The following TET2 variants were observed in gnomAD, a reference collection of about 807,000 sequenced individuals.
TET2 encodes tet methylcytosine dioxygenase 2.
Under a neutral mutation model 142.9 loss-of-function variants are expected in TET2, and 299 were observed. That is an observed-to-expected ratio of 2.09 (90% CI 1.90 to 2.30). The LOEUF (loss-of-function observed/expected upper bound fraction) is 2.30, where lower values mean the gene tolerates loss of function less well. Among genes scored for constraint, TET2 ranks in the 30% most tolerant of loss-of-function variants. The pLI is 0.00. For synonymous variants in TET2, 819 were observed against 849.0 expected, an observed-to-expected ratio of 0.96 and a Z score of 0.61; for missense variants, 2,418 against 2,378.0, an observed-to-expected ratio of 1.02 and a Z score of -0.35.
intron 2 of TET2, among the ~76,000 whole-genome samples, chr4:105,194,953 A>G (rs927882264): frequency 6.6e-6 from 1 of 152,180 alleles, no homozygotes; most frequent in African/African-American, 2.4e-5. Flanking sequence ...TGGTATCAGT[A>G]GTCTCTGTGT....
Position 105,276,100 on chromosome 4 carries a change from G to A in TET2, c.5590G>A (p.Val1864Met), listed in dbSNP as rs746348206. 12 of 1,551,516 alleles carry A rather than the reference G, an allele frequency of 7.7e-6. No individual in the cohort carries two copies. The highest frequency in any genetic ancestry group is 4.8e-5 in the South Asian group (4 of 84,066). ...GGATCCTGACATTGGGGGAGTGGCC[G>A]TGGCTCCAACTCATGGGTCAATTCT... ...FLDPDIGGVA[V>M]APTHGSILIE... Residue 1864 changes from valine to methionine, a missense_variant, in exon 11 of 11, where the codon GTG becomes ATG. Val to Met is a conservative substitution (Grantham distance 21). Transcript: ENST00000380013.
intron 6 of TET2, among the ~76,000 whole-genome samples, chr4:105,245,837 T>G (rs548761287): frequency 6.6e-6 from 1 of 152,372 alleles, no homozygotes; most frequent in South Asian, 2.1e-4. Flanking sequence ...TTTGAGATTC[T>G]AAATCACTGA....
intron 1 of TET2, among the ~76,000 whole-genome samples, chr4:105,164,457 C>T (rs573060360): frequency 6.6e-6 from 1 of 152,252 alleles, no homozygotes; most frequent in African/African-American, 2.4e-5. Context: ...AATAAAACAT[C>T]CAGCATGTTA....
intron 1 of TET2, among the ~76,000 whole-genome samples, chr4:105,180,055 T>C (rs536441989): frequency 6.6e-6 from 1 of 152,344 alleles, no homozygotes; most frequent in African/African-American, 2.4e-5. Flanking sequence ...AGTTATGCCT[T>C]TCTGGTCAGC....
chr4:105,263,440 A>C (rs2726459), intron 8 of TET2, among the ~76,000 whole-genome samples: 64,517 of 152,128 alleles, frequency 0.42, 14,450 homozygotes, highest in Non-Finnish European at 0.52. Context: ...TATGTACACT[A>C]ACTAAGGTGG....
chr4:105,183,288 CAAT>C (rs759641273), intron 1 of TET2, among the ~76,000 whole-genome samples: 1 of 151,904 alleles, frequency 6.6e-6, no homozygotes, highest in South Asian at 2.1e-4. Flanking sequence ...GCTTTGGAAT[CAAT>C]AATAAGTATT....
At chr4:105,240,482 C>T (rs1729232584) in intron 3 of TET2, 1 of 1,077,080 alleles carries the variant, frequency 9.3e-7, no homozygotes. Context: ...TTTGAAAAGA[C>T]AAATGTTAAA....
chr4:105,230,182 C>A (rs1728427115), intron 2 of TET2, among the ~76,000 whole-genome samples: 1 of 152,160 alleles, frequency 6.6e-6, no homozygotes, highest in African/African-American at 2.4e-5. Context: ...ACTGGGATTA[C>A]AGGTGCCTAC....
At chr4:105,209,874 C>A (rs1200726830) in intron 2 of TET2, among the ~76,000 whole-genome samples, 2 of 152,100 alleles carry the variant, frequency 1.3e-5, no homozygotes, top group African/African-American at 4.8e-5. Context: ...ACAAGAAGTT[C>A]ATTCAATAGG....
chr4:105,249,544 A>G (rs1202421269), intron 6 of TET2, among the ~76,000 whole-genome samples: 1 of 152,182 alleles, frequency 6.6e-6, no homozygotes, highest in Non-Finnish European at 1.5e-5. Context: ...AAGTAGCTTT[A>G]TGCTTTTACA....
At chr4:105,232,565 C>G (rs181376094) in intron 2 of TET2, among the ~76,000 whole-genome samples, 9 of 152,256 alleles carry the variant, frequency 5.9e-5, no homozygotes, top group Admixed American at 5.2e-4. Flanking sequence ...AAGATGATAT[C>G]TGAGGCAGGT....
At chr4:105,199,322 T>A (rs1235760667) in intron 2 of TET2, among the ~76,000 whole-genome samples, 1 of 152,220 alleles carries the variant, frequency 6.6e-6, no homozygotes, top group African/African-American at 2.4e-5. Flanking sequence ...GCGTACGATT[T>A]AATCACATTG....
intron 1 of TET2, among the ~76,000 whole-genome samples, chr4:105,183,437 C>T (rs1014654454): frequency 1.3e-5 from 2 of 151,962 alleles, no homozygotes; most frequent in African/African-American, 4.8e-5. Flanking sequence ...TTCAATAACT[C>T]TTTTTCCTAT....
At chr4:105,247,923 T>C (rs1729665932) in intron 6 of TET2, among the ~76,000 whole-genome samples, 1 of 152,084 alleles carries the variant, frequency 6.6e-6, no homozygotes, top group Admixed American at 6.5e-5. Flanking sequence ...GGTTTCGCCA[T>C]GTTGGCCAGG....
chr4:105,230,396 A>G (rs1175295263), intron 2 of TET2, among the ~76,000 whole-genome samples: 1 of 152,172 alleles, frequency 6.6e-6, no homozygotes, highest in East Asian at 1.9e-4. Context: ...AATTTTATAC[A>G]TATTGCCAAA....
At chr4:105,186,949 G>A (rs1245564281) in intron 1 of TET2, among the ~76,000 whole-genome samples, 2 of 152,112 alleles carry the variant, frequency 1.3e-5, no homozygotes, top group Non-Finnish European at 2.9e-5. Flanking sequence ...TATTTGTTGG[G>A]GATCACCTCT....
rs1730957254 is a variant in TET2 at position 105,271,372 on chromosome 4, C to T, written c.4183-1192C>T. Among the ~76,000 whole-genome samples, 4 of 152,124 alleles carry T rather than the reference C, an allele frequency of 2.6e-5. No homozygotes were observed. In the South Asian group the frequency reaches 8.3e-4, roughly 32 times the overall value. On this transcript the variant is annotated intron_variant, in intron 9 of 10. Coordinates refer to ENST00000380013, the MANE Select transcript of TET2 (RefSeq NM_001127208.3). ...GTAAATGATAACTGGGGCTATAGTGCATCCTAATATAACCATGTTTCATTC... is the reference window on the plus strand; with the variant it reads ...GTAAATGATAACTGGGGCTATAGTGTATCCTAATATAACCATGTTTCATTC...
At position 105,242,828 on chromosome 4, in the gene TET2, T is replaced by A; in HGVS notation, c.3501-6T>A. 6.5e-7 allele frequency: 1 copy of A among 1,548,602 alleles called. No individual in the cohort carries two copies. The highest frequency in any genetic ancestry group is 8.7e-7 in the Non-Finnish European group (1 of 1,146,276). ...ATGTGTGTGTGTTTCTGTGGGTTTC[T>A]TTAAGGTTTGGACAGAAGGGTAAAG... On this transcript the variant is annotated splice_polypyrimidine_tract_variant and splice_region_variant and intron_variant, in intron 4 of 10. Transcript: ENST00000380013.
At chr4:105,146,553 C>G (rs1297875501), upstream of TET2, 2 of 152,674 alleles carry the variant, frequency 1.3e-5, no homozygotes, top group Non-Finnish European at 2.9e-5. Context: ...GCTGGACGCC[C>G]GGTGCGGGGG....
Sources: gnomAD v4.1 joint callset for allele counts (sites outside exome capture counted in the v4.1 genomes callset) on GRCh38, gnomAD v4.1.1 for gene constraint, MANE v1.5 for transcripts, NCBI Gene and HGNC (gene_info 2026-07-23, HGNC 2026-07-21) for gene names.